ESYT2: variants seen among roughly 807,000 people sequenced by gnomAD.
ESYT2 encodes extended synaptotagmin 2, also known as extended synaptotagmin-2.
In ESYT2, 54 loss-of-function variants were observed where a neutral mutation model predicts 107.2. The observed-to-expected ratio is 0.50, with a 90% CI of 0.40 to 0.63. The LOEUF (loss-of-function observed/expected upper bound fraction) is 0.63. Among genes scored for constraint, ESYT2 ranks in the 30% least tolerant of loss-of-function variants. The probability of loss-of-function intolerance (pLI) is 0.00; values close to 1 mark genes in which losing one functional copy is unlikely to be tolerated. For synonymous variants in ESYT2, 491 were observed against 434.1 expected, an observed-to-expected ratio of 1.13 and a Z score of -1.63; for missense variants, 1,020 against 1,094.5, an observed-to-expected ratio of 0.93 and a Z score of 0.96.
Position 158,734,228 on chromosome 7 carries a change from C to T in ESYT2, c.2580G>A (p.Thr860=), listed in dbSNP as rs751397238. The T allele has an allele frequency of 2.0e-5, 32 of 1,614,088 alleles. No individual in the cohort carries two copies. Among genetic ancestry groups the T allele is most frequent in the African/African-American group, 1.1e-4 (8 of 75,052 alleles). The change falls in exon 23 of 23, where the codon ACG becomes ACA. Residue 860 remains threonine (T), a synonymous_variant. Coordinates refer to ENST00000275418, the MANE Select transcript of ESYT2 (RefSeq NM_001367773.1). ...GCGGCTATGTCATCGCCTGAGGCCT[C>T]GTCCCATCTTCCGTGAGGTCATACC... ...TQWYDLTEDG[T]RPQAMT
intron 13 of ESYT2, among the ~76,000 whole-genome samples, chr7:158,753,599 AT>A (rs775077906): frequency 0.026 from 3,455 of 132,798 alleles, 49 homozygotes; most frequent in East Asian, 0.099. Flanking sequence ...TAAATGTTTA[AT>A]TTTTTTTTTT....
At chr7:158,767,114 T>C (rs564722194) in intron 8 of ESYT2, among the ~76,000 whole-genome samples, 15 of 152,308 alleles carry the variant, frequency 9.8e-5, no homozygotes, top group African/African-American at 3.4e-4. Flanking sequence ...ACAGCTAAAC[T>C]CAAGAGCTGC....
intron 1 of ESYT2, among the ~76,000 whole-genome samples, chr7:158,823,142 G>T (rs1017366634): frequency 1.3e-5 from 2 of 150,658 alleles, no homozygotes; most frequent in South Asian, 2.1e-4. Context: ...TAATACAAAA[G>T]AAATTAGCTG....
chr7:158,795,242 G>C (rs888240477), intron 3 of ESYT2, among the ~76,000 whole-genome samples: 2 of 152,192 alleles, frequency 1.3e-5, no homozygotes, highest in African/African-American at 4.8e-5. Flanking sequence ...TTTGACACTT[G>C]TAAGACATTG....
At chr7:158,782,435 TGA>T (rs1333985368) in intron 6 of ESYT2, among the ~76,000 whole-genome samples, 21 of 149,624 alleles carry the variant, frequency 1.4e-4, no homozygotes, top group African/African-American at 4.1e-4. Context: ...AAGTGAGGTG[TGA>T]GTGTAAGAAC....
At chr7:158,804,825 C>A (rs1009098146) in intron 1 of ESYT2, among the ~76,000 whole-genome samples, 5 of 152,110 alleles carry the variant, frequency 3.3e-5, no homozygotes, top group African/African-American at 1.2e-4. Flanking sequence ...CACAAGCTGC[C>A]GAGAAGGGTG....
Position 158,734,564 on chromosome 7 carries a change from G to A in ESYT2, c.2506-93C>T, listed in dbSNP as rs1836851593. 2.6e-6 allele frequency: 3 copies of A among 1,171,502 alleles called. No individual in the cohort carries two copies. In the South Asian group the frequency reaches 4.3e-5, roughly 17 times the overall value. The allele number at this position is 1,171,502 out of a possible 1,614,324, so 72.6% of individuals were successfully genotyped here. On this transcript the variant is annotated intron_variant, in intron 21 of 22. Transcript: ENST00000275418. ...AGCACTTTGGGAGGCCAAGATGGGA[G>A]GATCTCTTAAGCCCAAGAGTTTGAG...
At chr7:158,817,729 A>G (rs1840185030) in intron 1 of ESYT2, among the ~76,000 whole-genome samples, 1 of 152,280 alleles carries the variant, frequency 6.6e-6, no homozygotes, top group African/African-American at 2.4e-5. Flanking sequence ...AAAATAAAAT[A>G]CTAAATTAAT....
chr7:158,736,683 T>C (rs905520845), intron 20 of ESYT2, among the ~76,000 whole-genome samples: 2 of 152,262 alleles, frequency 1.3e-5, no homozygotes, highest in South Asian at 4.1e-4. Context: ...CTTACTGTTA[T>C]TTAAAAATAA....
intron 6 of ESYT2, among the ~76,000 whole-genome samples, chr7:158,776,203 C>A (rs941649152): frequency 2.6e-5 from 4 of 151,618 alleles, no homozygotes; most frequent in Non-Finnish European, 5.9e-5. Context: ...GTAGATATAG[C>A]GTGATTCTTA....
chr7:158,825,021 G>C (rs185350742), intron 1 of ESYT2, among the ~76,000 whole-genome samples: 1 of 152,190 alleles, frequency 6.6e-6, no homozygotes, highest in Non-Finnish European at 1.5e-5. Flanking sequence ...GGCTGGGCGC[G>C]GTGGTTCATG....
intron 22 of ESYT2, 31 bp from the exon 23 acceptor site, chr7:158,734,283 C>T (rs768287070): frequency 1.9e-5 from 30 of 1,613,772 alleles, no homozygotes; most frequent in Admixed American, 6.7e-5. Context: ...AAGGTGGTGA[C>T]GGATACAGGA....
intron 1 of ESYT2, among the ~76,000 whole-genome samples, chr7:158,807,890 GA>G (rs1839878854): frequency 6.6e-6 from 1 of 152,168 alleles, no homozygotes; most frequent in African/African-American, 2.4e-5. Flanking sequence ...AAACAAAAAG[GA>G]GGCCAGGCTA....
At position 158,829,245 on chromosome 7, in the gene ESYT2, G is replaced by T. The variant is rs1290375376; in HGVS notation, c.174C>A (p.Leu58=). The T allele has an allele frequency of 1.6e-5, 24 of 1,528,626 alleles. No individual in the cohort carries two copies. Among genetic ancestry groups the T allele is most frequent in the East Asian group, 2.5e-5 (1 of 39,320 alleles). 94.7% of individuals were successfully genotyped at this position (1,528,626 alleles called of 1,614,324 possible). Residue 58 remains leucine, a synonymous_variant, in exon 1 of 23, where the codon CTC becomes CTA. Transcript: ENST00000275418. ...GCGCGAGGAGAACCCAGCTGAAGCT[G>T]AGCCCCAGGTAGCCCAGCGCGTACA... is the stretch of plus-strand genomic sequence containing the variant. ...LPVYALGYLG[L]SFSWVLLALA...
chr7:158,814,963 A>T (rs1170940705), intron 1 of ESYT2, among the ~76,000 whole-genome samples: 1 of 152,226 alleles, frequency 6.6e-6, no homozygotes, highest in Non-Finnish European at 1.5e-5. Context: ...CAGAGAATGC[A>T]AGGGAGTGCA....
intron 1 of ESYT2, among the ~76,000 whole-genome samples, chr7:158,824,418 G>A (rs556122256): frequency 1.5e-4 from 23 of 152,324 alleles, no homozygotes; most frequent in African/African-American, 5.5e-4. Context: ...GATTAACACT[G>A]AGAATAAAAA....
intron 6 of ESYT2, among the ~76,000 whole-genome samples, chr7:158,781,394 A>C (rs1297421919): frequency 6.6e-6 from 1 of 150,564 alleles, no homozygotes; most frequent in Non-Finnish European, 1.5e-5. Context: ...GAGTGTTGAG[A>C]ACAAAGTGTG....
At chr7:158,825,656 CAGTA>C (rs1306955663) in intron 1 of ESYT2, among the ~76,000 whole-genome samples, 1 of 152,174 alleles carries the variant, frequency 6.6e-6, no homozygotes, top group East Asian at 1.9e-4. Flanking sequence ...AGTTTTTACT[CAGTA>C]AGAAGAAAAG....
intron 1 of ESYT2, among the ~76,000 whole-genome samples, chr7:158,816,406 AGAAAGCAGAATGGCCCCATGAGGAT>A (rs1840149999): frequency 6.6e-6 from 1 of 152,248 alleles, no homozygotes; most frequent in Non-Finnish European, 1.5e-5. Context: ...TTGACAAAAC[AGAAAGCAGAATGGCCCCATGAGGAT>A]GAAAGCAGCT....
Sources: gnomAD v4.1 joint callset for allele counts (sites outside exome capture counted in the v4.1 genomes callset) on GRCh38, gnomAD v4.1.1 for gene constraint, MANE v1.5 for transcripts, NCBI Gene and HGNC (gene_info 2026-07-23, HGNC 2026-07-21) for gene names.